AFAP1: variants seen among roughly 807,000 people sequenced by gnomAD.
AFAP1 encodes the protein actin filament-associated protein 1.
Under a neutral mutation model 93.9 loss-of-function variants are expected in AFAP1, and 75 were observed. That is an observed-to-expected ratio of 0.80 (90% confidence interval 0.66 to 0.97). The LOEUF is 0.97. Ranked by LOEUF, AFAP1 falls within the 50% of genes least tolerant of loss-of-function variation. The pLI, the probability that AFAP1 is intolerant of heterozygous loss-of-function variation, is 0.00. For synonymous variants in AFAP1, 517 were observed against 430.7 expected, an observed-to-expected ratio of 1.20 and a Z score of -2.48; for missense variants, 1,201 against 1,050.8, an observed-to-expected ratio of 1.14 and a Z score of -1.98.
intron 1 of AFAP1, among the ~76,000 whole-genome samples, chr4:7,894,605 G>A (rs1003551438): frequency 4.6e-5 from 7 of 152,156 alleles, no homozygotes; most frequent in Non-Finnish European, 8.8e-5. Context: ...GAGACAGAGG[G>A]GGCCTGGTCC....
chr4:7,872,186 GA>G, intron 1 of AFAP1, 106 bp from the exon 2 acceptor site: 3 of 1,419,112 alleles, frequency 2.1e-6, no homozygotes, highest in African/African-American at 1.4e-5. Flanking sequence ...TTGATCATTG[GA>G]TATAGTATTC....
intron 1 of AFAP1, among the ~76,000 whole-genome samples, chr4:7,888,095 G>A (rs1243837698): frequency 1.3e-5 from 2 of 152,210 alleles, no homozygotes; most frequent in Non-Finnish European, 2.9e-5. Context: ...ACAAAGTGCT[G>A]GGATTACAGG....
chr4:7,853,939 G>A (rs561872283), intron 4 of AFAP1, among the ~76,000 whole-genome samples: 1 of 152,228 alleles, frequency 6.6e-6, no homozygotes, highest in East Asian at 1.9e-4. Context: ...AGCGGCTAAG[G>A]AACAGCCCCA....
chr4:7,853,484 G>T (rs535337901), intron 4 of AFAP1, among the ~76,000 whole-genome samples: 1 of 152,104 alleles, frequency 6.6e-6, no homozygotes, highest in Non-Finnish European at 1.5e-5. Context: ...CAGGAGAGAC[G>T]CAGGCTCCCG....
In AFAP1 at chr4:7,786,246, T is replaced by C; in HGVS notation, c.1478A>G (p.His493Arg). 1 of 1,614,170 alleles carries C rather than the reference T, an allele frequency of 6.2e-7. No individual in the cohort carries two copies. Among genetic ancestry groups the C allele is most frequent in the Non-Finnish European group, 8.5e-7 (1 of 1,180,030 alleles). The change falls in exon 12 of 18, where the codon CAC (histidine) becomes CGC (arginine). Residue 493 changes from histidine to arginine, a missense_variant. Transcript: ENST00000420658. ...YLGGTSNGYA[H>R]PSGTALHYDD... ...ATAATGAAGTGCCGTCCCGCTGGGG[T>C]GGGCATAGCCGTTGGAGGTGCCCCC...
At chr4:7,921,933 G>A (rs1720461269) in intron 1 of AFAP1, among the ~76,000 whole-genome samples, 1 of 152,176 alleles carries the variant, frequency 6.6e-6, no homozygotes, top group African/African-American at 2.4e-5. Context: ...GACCATCCTG[G>A]CCAACATGGT....
chr4:7,778,434 G>A lies in AFAP1; in HGVS notation c.1897+328C>T, dbSNP rs1335659156. 5 of 414,646 alleles carry A rather than the reference G, an allele frequency of 1.2e-5. No individual in the cohort carries two copies. In the Admixed American group the frequency reaches 2.0e-4, roughly 16 times the overall value. 25.7% of individuals were successfully genotyped at this position (414,646 alleles called of 1,614,324 possible). Reference sequence around the variant, plus strand: ...CAAGGCTTGACAACCACAGATCAGGGACAGGAGCTGAGGTCTCCTGACCTG... The same window carrying A: ...CAAGGCTTGACAACCACAGATCAGGAACAGGAGCTGAGGTCTCCTGACCTG... On this transcript the variant is annotated intron_variant, in intron 14 of 17. Coordinates refer to ENST00000420658, the MANE Select transcript of AFAP1 (RefSeq NM_001134647.2).
At chr4:7,786,627 TG>T (rs1028055853) in intron 11 of AFAP1, among the ~76,000 whole-genome samples, 3 of 148,232 alleles carry the variant, frequency 2.0e-5, no homozygotes, top group African/African-American at 7.9e-5. Flanking sequence ...TCTCTCACTG[TG>T]GCCCCAACGC....
Position 7,793,593 on chromosome 4 carries a change from T to C in AFAP1, c.1412+88A>G. On this transcript the variant is annotated intron_variant, in intron 11 of 17. Coordinates refer to ENST00000420658, the MANE Select transcript of AFAP1 (RefSeq NM_001134647.2). Reference sequence around the variant, plus strand: ...GTCTTTAGTTTTTCTTCTGGGTCTATATCCTCACACAAAAACTAAGTTAAG... The same window carrying C: ...GTCTTTAGTTTTTCTTCTGGGTCTACATCCTCACACAAAAACTAAGTTAAG... 12 of 1,318,486 alleles carry C rather than the reference T, an allele frequency of 9.1e-6. 1 individual carries two copies. Among genetic ancestry groups the C allele is most frequent in the Middle Eastern group, 2.4e-4 (1 of 4,120 alleles). 81.7% of individuals were successfully genotyped at this position (1,318,486 alleles called of 1,614,324 possible).
intron 10 of AFAP1, among the ~76,000 whole-genome samples, chr4:7,797,053 T>C (rs532668923): frequency 8.8e-6 from 1 of 113,390 alleles, no homozygotes; most frequent in South Asian, 3.1e-4. Flanking sequence ...GAGTGAGACC[T>C]TGTCTCAAAA....
At chr4:7,806,606 G>C (rs935166903) in intron 9 of AFAP1, among the ~76,000 whole-genome samples, 2 of 152,234 alleles carry the variant, frequency 1.3e-5, no homozygotes, top group East Asian at 3.9e-4. Context: ...CCTTTGTCCA[G>C]CTCCTTTTTT....
chr4:7,895,935 C>A (rs1718741076), intron 1 of AFAP1, among the ~76,000 whole-genome samples: 2 of 149,704 alleles, frequency 1.3e-5, no homozygotes, highest in South Asian at 4.2e-4. Flanking sequence ...CTTGGCTCAC[C>A]ACAACCTCTG....
chr4:7,784,242 T>TG (rs1437582464), intron 12 of AFAP1, among the ~76,000 whole-genome samples: 4 of 152,018 alleles, frequency 2.6e-5, no homozygotes, highest in East Asian at 1.9e-4. Flanking sequence ...CCGCCTAAGA[T>TG]GGGGGGCTCT....
intron 3 of AFAP1, among the ~76,000 whole-genome samples, chr4:7,856,804 G>T (rs1334524855): frequency 6.6e-6 from 1 of 152,158 alleles, no homozygotes; most frequent in Non-Finnish European, 1.5e-5. Flanking sequence ...GTGGCTGAGT[G>T]GCAGGAAAGC....
chr4:7,877,762 AT>A (rs1385681935), intron 1 of AFAP1, among the ~76,000 whole-genome samples: 1 of 152,238 alleles, frequency 6.6e-6, no homozygotes, highest in African/African-American at 2.4e-5. Flanking sequence ...CCCATTTTGT[AT>A]TTAAAAAGAG....
At chr4:7,837,402 T>C (rs992327000) in intron 6 of AFAP1, among the ~76,000 whole-genome samples, 10 of 152,174 alleles carry the variant, frequency 6.6e-5, no homozygotes, top group Admixed American at 2.6e-4. Flanking sequence ...GAGACCTGCC[T>C]TGTCCCTTCC....
chr4:7,824,067 C>T (rs1233799433), intron 6 of AFAP1, among the ~76,000 whole-genome samples: 1 of 152,150 alleles, frequency 6.6e-6, no homozygotes, highest in Non-Finnish European at 1.5e-5. Context: ...CTGTTGATTG[C>T]CAAGCTGCAC....
intron 10 of AFAP1, among the ~76,000 whole-genome samples, chr4:7,796,749 C>CAA (rs71647622): frequency 1.2e-4 from 12 of 96,664 alleles, no homozygotes; most frequent in South Asian, 7.6e-4. Flanking sequence ...AGACTTGTCT[C>CAA]AAAAAAAAAA....
At chr4:7,822,635 A>G (rs1293520722) in intron 6 of AFAP1, among the ~76,000 whole-genome samples, 5 of 140,018 alleles carry the variant, frequency 3.6e-5, no homozygotes, top group Non-Finnish European at 6.0e-5. Flanking sequence ...CCCAGGCTGG[A>G]GTGCAGTGGC....
Sources: allele counts gnomAD v4.1 joint callset (sites outside exome capture counted in the v4.1 genomes callset), GRCh38; gene constraint gnomAD v4.1.1; transcripts MANE v1.5; gene names NCBI Gene and HGNC (gene_info 2026-07-23, HGNC 2026-07-21).